ESF1: variants seen among roughly 807,000 people sequenced by gnomAD.
The protein encoded by ESF1 is ESF1 homolog.
In ESF1, 58 loss-of-function variants were observed where a neutral mutation model predicts 92.0. That is an observed-to-expected ratio of 0.63 (90% CI 0.51 to 0.78). The LOEUF is 0.78. ESF1 is among the 30% of genes least tolerant of loss of function. ESF1 has a pLI of 0.00. For synonymous variants in ESF1, 321 were observed against 313.7 expected (o/e 1.02, Z -0.24); for missense variants, 922 against 989.1 (o/e 0.93, Z 0.91).
At chr20:13,742,925 A>G (rs1237677939) in intron 9 of ESF1, among the ~76,000 whole-genome samples, 1 of 152,138 alleles carries the variant, frequency 6.6e-6, no homozygotes, top group Admixed American at 6.5e-5. Flanking sequence ...TTCTGTCTCT[A>G]TAGATTTCCC....
intron 7 of ESF1, among the ~76,000 whole-genome samples, chr20:13,768,639 A>G (rs1263421461): frequency 3.0e-4 from 45 of 151,636 alleles, no homozygotes; most frequent in Non-Finnish European, 2.9e-5. Flanking sequence ...GCTCACACCT[A>G]TAATACCAGC....
intron 8 of ESF1, among the ~76,000 whole-genome samples, chr20:13,763,482 A>G (rs1979296930): frequency 6.6e-6 from 1 of 152,268 alleles, no homozygotes; most frequent in Admixed American, 6.5e-5. Context: ...TCCAATCTTC[A>G]CAAGTGTACA....
intron 9 of ESF1, among the ~76,000 whole-genome samples, chr20:13,734,697 T>C (rs1297186192): frequency 2.0e-5 from 3 of 152,100 alleles, no homozygotes; most frequent in Admixed American, 2.0e-4. Context: ...AATAAAGATG[T>C]TTTTTATTTT....
At chr20:13,738,821 C>T (rs1014000902) in intron 9 of ESF1, among the ~76,000 whole-genome samples, 2 of 151,990 alleles carry the variant, frequency 1.3e-5, no homozygotes, top group African/African-American at 2.4e-5. Flanking sequence ...ATACAGCACG[C>T]ACCTTATAAA....
chr20:13,717,027 C>T (rs899647883), intron 13 of ESF1, among the ~76,000 whole-genome samples: 2 of 151,874 alleles, frequency 1.3e-5, no homozygotes, highest in African/African-American at 4.8e-5. Context: ...CCGTGTTAGC[C>T]AGGATGGTCT....
chr20:13,727,498 C>T (rs2049908385), intron 11 of ESF1, among the ~76,000 whole-genome samples: 1 of 152,234 alleles, frequency 6.6e-6, no homozygotes, highest in Non-Finnish European at 1.5e-5. Context: ...AACTCCTTCT[C>T]TTTACAATGC....
At chr20:13,743,716 C>T (rs6079156) in intron 9 of ESF1, among the ~76,000 whole-genome samples, 25,848 of 151,912 alleles carry the variant, frequency 0.17, 2,797 homozygotes, top group Non-Finnish European at 0.24. Context: ...TTGCCAAGGG[C>T]TTTAGGGTGG....
intron 2 of ESF1, among the ~76,000 whole-genome samples, chr20:13,776,489 T>C (rs1979949288): frequency 6.6e-6 from 1 of 152,198 alleles, no homozygotes; most frequent in South Asian, 2.1e-4. Flanking sequence ...AACCAAGTTA[T>C]TTAATGGAAA....
At chr20:13,775,046 C>A in intron 4 of ESF1, 111 bp downstream of exon 4, 1 of 654,124 alleles carries the variant, frequency 1.5e-6, no homozygotes, top group Non-Finnish European at 2.6e-6. Context: ...GATTGGACAA[C>A]TTCCACAGTA....
At chr20:13,783,722 AGAGGATCACTTCCACCC>A (rs1157506384) in intron 1 of ESF1, among the ~76,000 whole-genome samples, 1 of 152,190 alleles carries the variant, frequency 6.6e-6, no homozygotes, top group Non-Finnish European at 1.5e-5. Context: ...GGCTAAGGCA[AGAGGATCACTTCCACCC>A]GGGAGGTCTT....
rs1300639444 is a variant in ESF1, at chr20:13,775,260, C to T, written c.1046G>A (p.Arg349Gln). The change falls in exon 4 of 14, where the codon CGA becomes CAA. Residue 349 changes from arginine to glutamine, a missense_variant. By Grantham distance (43) the Arg-to-Gln change is conservative (BLOSUM62 1). Coordinates refer to ENST00000617257, the MANE Select transcript of ESF1 (RefSeq NM_001276380.2). ...CCAGTCCATGTTACAAACTGCTAAT[C>T]GACGTGTAATCTGAGAAATGAGAAG... ...DAPRADEITR[R>Q]LAVCNMDWDR... The T allele has an allele frequency of 5.6e-6, 9 of 1,596,200 alleles. No individual in the cohort carries two copies. Among genetic ancestry groups the T allele is most frequent in the South Asian group, 2.3e-5 (2 of 88,426 alleles).
Position 13,745,148 on chromosome 20 carries a change from C to T in ESF1, c.1829-11306G>A, listed in dbSNP as rs535948964. On this transcript the variant is annotated intron_variant, in intron 9 of 13. Transcript: ENST00000617257. ...CGATAAAGAGCTATGGGAACTCACA[C>T]TACTGGTGAGAGTATAAGATGGCAC... 2.0e-5 allele frequency among the ~76,000 whole-genome samples: 3 copies of T among 152,320 alleles called. No individual in the cohort carries two copies. The South Asian group carries it at 6.2e-4, about 32-fold the overall frequency.
chr20:13,731,480 C>T (rs1455986262), intron 10 of ESF1, among the ~76,000 whole-genome samples: 3 of 146,862 alleles, frequency 2.0e-5, no homozygotes, highest in Admixed American at 1.4e-4. Flanking sequence ...TGCAGTGAGC[C>T]GAGATCAGGC....
At chr20:13,727,513 G>A (rs1366535922) in intron 11 of ESF1, among the ~76,000 whole-genome samples, 1 of 152,190 alleles carries the variant, frequency 6.6e-6, no homozygotes, top group East Asian at 1.9e-4. Flanking sequence ...CAATGCCAGC[G>A]TGGAGTTGCT....
At chr20:13,743,180 T>C (rs1390027257) in intron 9 of ESF1, among the ~76,000 whole-genome samples, 1 of 152,096 alleles carries the variant, frequency 6.6e-6, no homozygotes, top group African/African-American at 2.4e-5. Context: ...GAGATGCAAA[T>C]CAAAACCATG....
intron 2 of ESF1, among the ~76,000 whole-genome samples, chr20:13,778,206 T>C (rs2147448945): frequency 6.6e-6 from 1 of 152,294 alleles, no homozygotes; most frequent in Non-Finnish European, 1.5e-5. Context: ...AAATGGGCTT[T>C]TATGTTACCA....
chr20:13,782,452 TATAAAA>T (rs1980234125), intron 2 of ESF1, 46 bp downstream of exon 2: 1 of 1,407,836 alleles, frequency 7.1e-7, no homozygotes, highest in Non-Finnish European at 9.4e-7. Flanking sequence ...GAAAGATCAG[TATAAAA>T]ATAAATAATG....
At chr20:13,774,694 G>A (rs541030780) in intron 4 of ESF1, among the ~76,000 whole-genome samples, 36 of 152,276 alleles carry the variant, frequency 2.4e-4, no homozygotes, top group Non-Finnish European at 4.0e-4. Flanking sequence ...TAATTATTAG[G>A]TTGGCTTGAA....
At chr20:13,733,660 T>C (rs2049957783) in intron 10 of ESF1, 61 bp downstream of exon 10, 1 of 1,513,620 alleles carries the variant, frequency 6.6e-7, no homozygotes, top group Admixed American at 1.9e-5. Flanking sequence ...TCCAAGCACC[T>C]GGTACCATCT....
Sources: gnomAD v4.1 joint callset for allele counts (sites outside exome capture counted in the v4.1 genomes callset) on GRCh38, gnomAD v4.1.1 for gene constraint, MANE v1.5 for transcripts, NCBI Gene and HGNC (gene_info 2026-07-23, HGNC 2026-07-21) for gene names.